Variants in PNPLA3 observed in about 807,000 individuals in gnomAD.
PNPLA3 encodes the protein 1-acylglycerol-3-phosphate O-acyltransferase PNPLA3.
A neutral mutation model predicts 43.1 loss-of-function variants in PNPLA3; 42 were observed. The ratio of observed to expected loss-of-function variants is 0.97; its 90% CI spans 0.76 to 1.26. The LOEUF is 1.26. Ranked by LOEUF, PNPLA3 falls within the 50% of genes most tolerant of loss-of-function variation. The pLI is 0.00. For missense variants in PNPLA3, 647 were observed against 621.4 expected (o/e 1.04, Z -0.44); for synonymous variants, 272 against 253.6 (o/e 1.07, Z -0.69).
Position 43,934,970 on chromosome 22 carries a change from C to T in PNPLA3, c.757+304C>T, listed in dbSNP as rs901350191. Among the ~76,000 whole-genome samples, 6 of 152,136 alleles carry T rather than the reference C, an allele frequency of 3.9e-5. No individual in the cohort carries two copies. In the East Asian group the frequency reaches 7.7e-4, roughly 20 times the overall value. ...TCCCCAGGGTCCCCTTATCTGAAGGCGGTTTTTCTTTCCAGCTCGACCTCT... is the reference window on the plus strand; with the variant it reads ...TCCCCAGGGTCCCCTTATCTGAAGGTGGTTTTTCTTTCCAGCTCGACCTCT... On this transcript the variant is annotated intron_variant, in intron 5 of 8. Coordinates refer to ENST00000216180, the MANE Select transcript of PNPLA3 (RefSeq NM_025225.3).
In PNPLA3 at chr22:43,947,057, G is replaced by C. The variant is rs2050068387; in HGVS notation, c.*675G>C. The C allele has an allele frequency of 1.1e-5, 2 of 186,510 alleles. No individual in the cohort carries two copies. The highest frequency in any genetic ancestry group is 7.2e-5 in the South Asian group (1 of 13,964). The allele number at this position is 186,510 out of a possible 1,614,324, so 11.6% of individuals were successfully genotyped here. A position where few individuals can be genotyped will look rare whatever the true frequency, so the allele number is the denominator to read the frequency against. ...AATCAGTGAGATGTTAGTAGAATAA[G>C]CCTTAAAAAAAAAAAAATCGGTTGG... On this transcript the variant is annotated 3_prime_UTR_variant, in exon 9 of 9. Coordinates refer to ENST00000216180, the MANE Select transcript of PNPLA3 (RefSeq NM_025225.3).
At chr22:43,937,437 C>T (rs986070811) in intron 6 of PNPLA3, among the ~76,000 whole-genome samples, 165 bp downstream of exon 6, 2 of 152,178 alleles carry the variant, frequency 1.3e-5, no homozygotes, top group African/African-American at 4.8e-5. Context: ...CCATCACTCC[C>T]AGCACAGCCC....
At chr22:43,930,768 G>A (rs1409398724) in intron 3 of PNPLA3, among the ~76,000 whole-genome samples, 1 of 152,190 alleles carries the variant, frequency 6.6e-6, no homozygotes, top group African/African-American at 2.4e-5. Context: ...TGCAGGCTCT[G>A]GAGTAGGCAT....
intron 3 of PNPLA3, 123 bp downstream of exon 3, chr22:43,929,012 C>G: frequency 6.1e-6 from 6 of 991,614 alleles, no homozygotes; most frequent in Non-Finnish European, 9.5e-6. Context: ...GAGCCCCATG[C>G]CTCACTGCCT....
chr22:43,939,456 A>C (rs961352308), intron 6 of PNPLA3: 8 of 927,036 alleles, frequency 8.6e-6, no homozygotes, highest in Non-Finnish European at 9.0e-6. Flanking sequence ...TATGCTCCGT[A>C]AGCACTCTCT....
chr22:43,946,423 G>T lies in PNPLA3; in HGVS notation c.*41G>T. 6.3e-7 allele frequency: 1 copy of T among 1,582,102 alleles called. No homozygotes were observed. The highest frequency in any genetic ancestry group is 8.7e-7 in the Non-Finnish European group (1 of 1,151,304). ...GAGTCTAGCAGATTCTTTCAGAGGT[G>T]CTAAAGTTTCCCATCTTTGTGCAGC... On this transcript the variant is annotated 3_prime_UTR_variant, in exon 9 of 9. Transcript: ENST00000216180.
At chr22:43,924,896 C>T (rs1193993909) in intron 1 of PNPLA3, among the ~76,000 whole-genome samples, 3 of 152,100 alleles carry the variant, frequency 2.0e-5, no homozygotes, top group Non-Finnish European at 2.9e-5. Flanking sequence ...GATCTGCCCA[C>T]CTCGGCCTCC....
At position 43,937,406 on chromosome 22, in the gene PNPLA3, T is replaced by A. The variant is rs1469426425; in HGVS notation, c.979+134T>A. 6.2e-6 allele frequency: 5 copies of A among 801,566 alleles called. No homozygotes were observed. In the South Asian group the frequency reaches 6.6e-5, roughly 11 times the overall value. 49.7% of individuals were successfully genotyped at this position (801,566 alleles called of 1,614,324 possible). On this transcript the variant is annotated intron_variant, in intron 6 of 8. Coordinates refer to ENST00000216180, the MANE Select transcript of PNPLA3 (RefSeq NM_025225.3). ...AGGTGGTTGGGAACATCTCCTTCCA[T>A]GTGTACAGCCTGGGCTGCTGCCATC... is the stretch of plus-strand genomic sequence containing the variant.
chr22:43,938,672 C>G (rs758135805), intron 6 of PNPLA3, among the ~76,000 whole-genome samples: 12 of 152,256 alleles, frequency 7.9e-5, no homozygotes, highest in African/African-American at 2.9e-4. Context: ...TCCCATCAGG[C>G]TCCGCCTCCA....
intron 2 of PNPLA3, 130 bp downstream of exon 2, chr22:43,927,297 G>A (rs1024982085): frequency 7.4e-5 from 53 of 720,780 alleles, no homozygotes; most frequent in South Asian, 4.8e-4. Flanking sequence ...CCAGGAGCTC[G>A]AGACCAACAT....
intron 5 of PNPLA3, among the ~76,000 whole-genome samples, chr22:43,936,267 G>A (rs1253905380): frequency 1.3e-5 from 2 of 152,142 alleles, no homozygotes; most frequent in Non-Finnish European, 2.9e-5. Context: ...ATCTGATAGG[G>A]CCTGGAAAGA....
intron 3 of PNPLA3, among the ~76,000 whole-genome samples, chr22:43,931,696 A>G (rs2049962761): frequency 6.6e-6 from 1 of 152,100 alleles, no homozygotes; most frequent in South Asian, 2.1e-4. Flanking sequence ...TTGTATTTTT[A>G]GCAGAGACAG....
At chr22:43,934,278 C>G (rs995279441) in intron 4 of PNPLA3, among the ~76,000 whole-genome samples, 1 of 148,080 alleles carries the variant, frequency 6.8e-6, no homozygotes, top group Non-Finnish European at 1.5e-5. Context: ...GATCACGCCA[C>G]TGCACTCCAG....
chr22:43,936,175 A>G (rs2049994221), intron 5 of PNPLA3, among the ~76,000 whole-genome samples: 1 of 152,056 alleles, frequency 6.6e-6, no homozygotes, highest in Non-Finnish European at 1.5e-5. Flanking sequence ...TGTGCCAGAG[A>G]TGCTGGAAGC....
At chr22:43,926,460 G>C in intron 1 of PNPLA3, among the ~76,000 whole-genome samples, 1 of 152,110 alleles carries the variant, frequency 6.6e-6, no homozygotes. Flanking sequence ...GCCTCTATGT[G>C]GGGCATGGAG....
chr22:43,935,887 G>A (rs909320568), intron 5 of PNPLA3, among the ~76,000 whole-genome samples: 23 of 152,134 alleles, frequency 1.5e-4, no homozygotes, highest in Admixed American at 3.3e-4. Context: ...CCCTGGATGC[G>A]GGACAGGAAG....
chr22:43,941,750 C>A (rs940876271), intron 7 of PNPLA3, among the ~76,000 whole-genome samples: 1 of 151,876 alleles, frequency 6.6e-6, no homozygotes, highest in Non-Finnish European at 1.5e-5. Context: ...GATAGGAAAA[C>A]CGACCTCAGT....
intron 7 of PNPLA3, among the ~76,000 whole-genome samples, chr22:43,941,523 A>G (rs941289291): frequency 2.0e-5 from 3 of 152,176 alleles, no homozygotes; most frequent in African/African-American, 2.4e-5. Context: ...AGGAGACTCA[A>G]TCTGGTTACT....
intron 5 of PNPLA3, among the ~76,000 whole-genome samples, chr22:43,935,431 G>A (rs73176488): frequency 0.014 from 2,112 of 152,218 alleles, 29 homozygotes; most frequent in South Asian, 0.028. Flanking sequence ...ATGCTGTGTC[G>A]ATGGGAAAGT....
Sources: allele counts gnomAD v4.1 joint callset (sites outside exome capture counted in the v4.1 genomes callset), GRCh38; gene constraint gnomAD v4.1.1; transcripts MANE v1.5; gene names NCBI Gene and HGNC (gene_info 2026-07-23, HGNC 2026-07-21).